Variants in TENM3 observed in about 807,000 individuals in gnomAD.
TENM3 encodes the protein teneurin transmembrane protein 3.
Under a neutral mutation model 255.1 loss-of-function variants are expected in TENM3, and 63 were observed. The observed-to-expected ratio is 0.25, with a 90% CI of 0.20 to 0.30. The LOEUF (loss-of-function observed/expected upper bound fraction) is 0.30, where lower values mean the gene tolerates loss of function less well. TENM3 is among the 10% of genes least tolerant of loss of function. The pLI is 1.00. For synonymous variants in TENM3, 1,306 were observed against 1,322.3 expected, an observed-to-expected ratio of 0.99 and a Z score of 0.27; for missense variants, 2,929 against 3,461.1, an observed-to-expected ratio of 0.85 and a Z score of 3.86.
chr4:182,504,327 C>A (rs979127403), intron 3 of TENM3, among the ~76,000 whole-genome samples: 3 of 151,730 alleles, frequency 2.0e-5, no homozygotes, highest in Non-Finnish European at 4.4e-5. Context: ...ATTAGCCATT[C>A]TTAACTACAA....
rs568947070 is a variant in TENM3 at position 182,389,717 on chromosome 4, G to C, written c.511+42788G>C. On this transcript the variant is annotated intron_variant, in intron 3 of 27. Coordinates refer to ENST00000511685, the MANE Select transcript of TENM3 (RefSeq NM_001080477.4). ...TTTTTTTTTTTTGAGACGGAGTCTC[G>C]CTCTGTCGCCCAGGCTGGAGTGCAG... 9.0e-3 allele frequency among the ~76,000 whole-genome samples: 1,308 copies of C among 144,748 alleles called. 21 individuals are homozygous for C. Among genetic ancestry groups the C allele is most frequent in the Non-Finnish European group, 0.011 (746 of 66,518 alleles). The allele number at this position is 144,748 out of a possible 152,430, so 95.0% of individuals were successfully genotyped here.
intron 3 of TENM3, among the ~76,000 whole-genome samples, chr4:182,563,477 C>T (rs1160282967): frequency 1.4e-4 from 22 of 152,166 alleles, no homozygotes; most frequent in African/African-American, 3.9e-4. Flanking sequence ...GGGAAACTTT[C>T]ACTTTTACTT....
intron 6 of TENM3, among the ~76,000 whole-genome samples, chr4:182,657,370 T>C (rs1753842521): frequency 6.6e-6 from 1 of 152,066 alleles, no homozygotes; most frequent in African/African-American, 2.4e-5. Flanking sequence ...TTAAAAAAAA[T>C]AGAAACTTGC....
chr4:181,843,590 C>T, the TENM3 span, among the ~76,000 whole-genome samples: 2 of 151,966 alleles, frequency 1.3e-5, no homozygotes, highest in South Asian at 4.2e-4. Context: ...TTGTCTTAGT[C>T]TTTTTTCTGC....
At position 182,623,304 on chromosome 4, in the gene TENM3, C is replaced by T. The variant is rs776108802; in HGVS notation, c.750-5347C>T. ...CTGGGATTACAGGTGTGAGCCACCA[C>T]GTCTGACCCTATTTCTTGAGACAGA... On this transcript the variant is annotated intron_variant, in intron 4 of 27. Transcript: ENST00000511685. Among the ~76,000 whole-genome samples the T allele has an allele frequency of 8.6e-5, 13 of 151,398 alleles. No individual in the cohort carries two copies. The East Asian group carries it at 2.0e-3, about 23-fold the overall frequency.
chr4:182,220,064 G>C (rs1755753184), intron 1 of TENM3, among the ~76,000 whole-genome samples: 1 of 152,072 alleles, frequency 6.6e-6, no homozygotes, highest in African/African-American at 2.4e-5. Flanking sequence ...AGCATCTTCT[G>C]ATCTGGTGGC....
the TENM3 span, among the ~76,000 whole-genome samples, chr4:182,133,434 A>G: frequency 2.6e-5 from 4 of 152,226 alleles, no homozygotes; most frequent in Admixed American, 2.6e-4. Flanking sequence ...AAGTTGAGTT[A>G]GTTTCTATTC....
chr4:182,774,878 C>T (rs376742414), intron 23 of TENM3, 40 bp from the exon 24 acceptor site: 24 of 1,434,614 alleles, frequency 1.7e-5, no homozygotes, highest in Admixed American at 3.8e-5. Context: ...GTATTTAATC[C>T]ATATCTAATA....
At chr4:182,309,695 A>T (rs1253468894) in intron 1 of TENM3, among the ~76,000 whole-genome samples, 1 of 152,244 alleles carries the variant, frequency 6.6e-6, no homozygotes, top group Non-Finnish European at 1.5e-5. Context: ...CTATTCACAC[A>T]TTTTAGCAAA....
chr4:182,218,021 C>T (rs946067588), intron 1 of TENM3, among the ~76,000 whole-genome samples: 1 of 152,140 alleles, frequency 6.6e-6, no homozygotes, highest in African/African-American at 2.4e-5. Flanking sequence ...TAACAGTTAA[C>T]ATTTAACACT....
chr4:181,549,103 G>C, the TENM3 span, among the ~76,000 whole-genome samples: 2 of 152,128 alleles, frequency 1.3e-5, no homozygotes, highest in African/African-American at 4.8e-5. Flanking sequence ...CTTACTTGCT[G>C]TCCCTGAACA....
At chr4:182,623,120 C>T (rs1241943479) in intron 4 of TENM3, among the ~76,000 whole-genome samples, 4 of 151,346 alleles carry the variant, frequency 2.6e-5, no homozygotes, top group Non-Finnish European at 2.9e-5. Flanking sequence ...ACGCCATTCT[C>T]CTGCCTCAGC....
At chr4:182,156,203 A>T (rs1750690874) in intron 1 of TENM3, among the ~76,000 whole-genome samples, 1 of 152,134 alleles carries the variant, frequency 6.6e-6, no homozygotes, top group Admixed American at 6.5e-5. Flanking sequence ...AAATGTTAAA[A>T]CACAACAATT....
chr4:181,685,389 A>G, the TENM3 span, among the ~76,000 whole-genome samples: 2 of 152,318 alleles, frequency 1.3e-5, no homozygotes, highest in South Asian at 2.1e-4. Context: ...TTATTCCATA[A>G]GAGATGGCAT....
rs111956797 is a variant in TENM3 at position 182,217,388 on chromosome 4, C to T, written c.-76+72634C>T. Among the ~76,000 whole-genome samples, 473 of 152,156 alleles carry T rather than the reference C, an allele frequency of 3.1e-3. 2 individuals are homozygous for T. The highest frequency in any genetic ancestry group is 0.018 in the South Asian group (88 of 4,818). The stretch of plus-strand genomic sequence containing the variant: ...GATTATCTGACTAGTACTACTGCAA[C>T]AAAGATAATAAAGTGCCTGATGTTT... On this transcript the variant is annotated intron_variant, in intron 1 of 2. Coordinates refer to the TENM3 transcript ENST00000512480.
the TENM3 span, among the ~76,000 whole-genome samples, chr4:182,100,520 C>G: frequency 2.8e-5 from 4 of 140,542 alleles, no homozygotes; most frequent in African/African-American, 5.5e-5. Flanking sequence ...TATATACACA[C>G]ATATATATAC....
At chr4:182,373,961 AAC>A (rs1767012549) in intron 3 of TENM3, among the ~76,000 whole-genome samples, 1 of 152,134 alleles carries the variant, frequency 6.6e-6, no homozygotes, top group Admixed American at 6.5e-5. Flanking sequence ...TCACTCAACA[AAC>A]ACAGCCAAGG....
Position 182,324,214 on chromosome 4 carries a change from A to G in TENM3, c.194A>G (p.Asp65Gly). Residue 65 changes from aspartate to glycine, a missense_variant, in exon 2 of 28, where the codon GAT becomes GGT. Asp to Gly is a moderately conservative substitution (Grantham distance 94, BLOSUM62 -1). Around this residue, in one of 6 missense-constraint regions of TENM3, gnomAD observed 283 missense variants for 256.9 expected, o/e 1.10. Coordinates refer to ENST00000511685, the MANE Select transcript of TENM3 (RefSeq NM_001080477.4). ...CTGCTTTACGGCAACAGAGTGAAGGATTTGGTTCACAGAGAAGCAGACGAG... is the reference window on the plus strand; with the variant it reads ...CTGCTTTACGGCAACAGAGTGAAGGGTTTGGTTCACAGAGAAGCAGACGAG... The part of the protein sequence containing the change: ...SRLLYGNRVK[D>G]LVHREADEFT... 7 of 1,613,990 alleles carry G rather than the reference A, an allele frequency of 4.3e-6. No homozygotes were observed. Among genetic ancestry groups the G allele is most frequent in the Non-Finnish European group, 4.2e-6 (5 of 1,179,878 alleles).
the TENM3 span, among the ~76,000 whole-genome samples, chr4:182,046,809 A>C: frequency 1.3e-5 from 2 of 152,236 alleles, no homozygotes; most frequent in African/African-American, 4.8e-5. Context: ...TAATTATTTC[A>C]GAAGAGCACC....
Sources: allele counts gnomAD v4.1 joint callset (sites outside exome capture counted in the v4.1 genomes callset), GRCh38; gene constraint gnomAD v4.1.1; regional missense constraint gnomAD v4.1.1; transcripts MANE v1.5; gene names NCBI Gene and HGNC (gene_info 2026-07-23, HGNC 2026-07-21).